RALY: variants seen among roughly 807,000 people sequenced by gnomAD.
RALY encodes RALY heterogeneous nuclear ribonucleoprotein, also known as RNA-binding protein Raly.
A neutral mutation model predicts 30.7 loss-of-function variants in RALY; 15 were observed. That is an observed-to-expected ratio of 0.49 (90% CI 0.33 to 0.75). The LOEUF (loss-of-function observed/expected upper bound fraction) is 0.75, where lower values mean the gene tolerates loss of function less well. Among genes scored for constraint, RALY ranks in the 30% least tolerant of loss-of-function variants. RALY has a pLI of 0.02. For missense variants in RALY, 339 were observed against 414.3 expected (o/e 0.82, Z 1.58); for synonymous variants, 177 against 170.8 (o/e 1.04, Z -0.28).
chr20:34,046,853 C>G (rs1006237999), intron 2 of RALY, among the ~76,000 whole-genome samples: 1 of 118,120 alleles, frequency 8.5e-6, no homozygotes, highest in Non-Finnish European at 1.6e-5. Context: ...GAGTTTCGCT[C>G]TTGTTGCCCA....
intron 2 of RALY, among the ~76,000 whole-genome samples, chr20:34,064,843 A>G (rs17091496): frequency 0.098 from 14,915 of 152,102 alleles, 2,438 homozygotes; most frequent in African/African-American, 0.34. Flanking sequence ...TCTTATCCTA[A>G]TTCTGGGAGG....
chr20:34,067,820 T>TC (rs947259142), intron 2 of RALY, among the ~76,000 whole-genome samples: 5 of 148,518 alleles, frequency 3.4e-5, no homozygotes, highest in African/African-American at 7.5e-5. Flanking sequence ...TTTTTTCTTT[T>TC]TTTTTTTTTT....
intron 1 of RALY, among the ~76,000 whole-genome samples, chr20:33,996,044 A>G (rs947677934): frequency 1.3e-5 from 2 of 152,236 alleles, no homozygotes; most frequent in African/African-American, 4.8e-5. Context: ...GTAAGTCACC[A>G]CTTCGGTTTT....
intron 2 of RALY, among the ~76,000 whole-genome samples, chr20:34,036,783 T>G (rs1340587673): frequency 6.6e-6 from 1 of 152,198 alleles, no homozygotes; most frequent in Non-Finnish European, 1.5e-5. Context: ...TAGGAATGTT[T>G]CCATTTCACC....
chr20:34,020,533 G>C (rs1343666660), intron 1 of RALY, among the ~76,000 whole-genome samples: 3 of 152,248 alleles, frequency 2.0e-5, no homozygotes, highest in East Asian at 3.8e-4. Flanking sequence ...TTACAGGACT[G>C]TGGTAGGAAT....
intron 1 of RALY, among the ~76,000 whole-genome samples, chr20:34,000,689 G>A (rs1417061016): frequency 6.6e-6 from 1 of 152,138 alleles, no homozygotes; most frequent in Non-Finnish European, 1.5e-5. Flanking sequence ...TTGGGGTAGG[G>A]GGTTGTGGCT....
At chr20:34,002,812 A>G (rs1241819113) in intron 1 of RALY, among the ~76,000 whole-genome samples, 1 of 152,122 alleles carries the variant, frequency 6.6e-6, no homozygotes, top group Non-Finnish European at 1.5e-5. Context: ...AAGATTTGGT[A>G]TTGTCTCGCT....
At chr20:34,074,764 T>A (rs2033827377) in intron 5 of RALY, among the ~76,000 whole-genome samples, 1 of 152,220 alleles carries the variant, frequency 6.6e-6, no homozygotes, top group Non-Finnish European at 1.5e-5. Flanking sequence ...GGTTCAGTGA[T>A]TCTGACCAAG....
At chr20:33,997,784 T>C (rs1448060284) in intron 1 of RALY, among the ~76,000 whole-genome samples, 2 of 152,196 alleles carry the variant, frequency 1.3e-5, no homozygotes, top group East Asian at 3.9e-4. Context: ...TCTTCATGTT[T>C]ATGAAGATGG....
intron 7 of RALY, 31 bp from the exon 8 acceptor site, chr20:34,076,997 A>T (rs1467454320): frequency 1.5e-5 from 24 of 1,610,104 alleles, no homozygotes; most frequent in East Asian, 6.7e-5. Context: ...GCTGAGTTTT[A>T]TTCTCCCCTC....
At chr20:34,040,755 C>A (rs2032669281) in intron 2 of RALY, among the ~76,000 whole-genome samples, 1 of 152,198 alleles carries the variant, frequency 6.6e-6, no homozygotes, top group Non-Finnish European at 1.5e-5. Flanking sequence ...AAGGGGAAAG[C>A]TGAGGCTCAG....
intron 1 of RALY, among the ~76,000 whole-genome samples, chr20:34,019,730 A>G (rs939876645): frequency 5.3e-5 from 8 of 152,284 alleles, no homozygotes; most frequent in Admixed American, 5.2e-4. Flanking sequence ...AACCATACAC[A>G]TACAAATTAT....
intron 2 of RALY, among the ~76,000 whole-genome samples, chr20:34,033,653 T>C (rs2123106775): frequency 6.6e-6 from 1 of 152,204 alleles, no homozygotes; most frequent in South Asian, 2.1e-4. Flanking sequence ...AATCTATTCA[T>C]GAGGGATCTG....
intron 2 of RALY, among the ~76,000 whole-genome samples, chr20:34,065,520 C>T (rs2033544825): frequency 6.6e-6 from 1 of 152,158 alleles, no homozygotes; most frequent in Admixed American, 6.5e-5. Context: ...AAGAGCATTC[C>T]TTGGGAAATT....
chr20:34,032,107 C>T (rs2032304480), intron 2 of RALY, among the ~76,000 whole-genome samples: 1 of 152,080 alleles, frequency 6.6e-6, no homozygotes, highest in Admixed American at 6.5e-5. Context: ...GGATTACAGG[C>T]ATGCACCGCC....
At chr20:33,996,873 G>A (rs1213501476) in intron 1 of RALY, among the ~76,000 whole-genome samples, 1 of 152,086 alleles carries the variant, frequency 6.6e-6, no homozygotes, top group Non-Finnish European at 1.5e-5. Flanking sequence ...GTGGAATCAT[G>A]CAATATTTGT....
intron 2 of RALY, among the ~76,000 whole-genome samples, chr20:34,066,779 C>G (rs2033585791): frequency 6.6e-6 from 1 of 152,042 alleles, no homozygotes; most frequent in African/African-American, 2.4e-5. Context: ...GCCCCACTTC[C>G]TAATACCATC....
chr20:34,082,412 G>C lies in RALY; in HGVS notation c.*2507G>C, dbSNP rs1349868207. 1 of 152,210 alleles carries C rather than the reference G, an allele frequency of 6.6e-6. No individual in the cohort carries two copies. The highest frequency in any genetic ancestry group is 1.5e-5 in the Non-Finnish European group (1 of 68,052). The allele number at this position is 152,210 out of a possible 1,614,324, so 9.4% of individuals were successfully genotyped here. On this transcript the variant is annotated 3_prime_UTR_variant, in exon 10 of 10. Coordinates refer to ENST00000246194, the MANE Select transcript of RALY (RefSeq NM_016732.3). Reference sequence around the variant, plus strand: ...CAGAGCCTAGTGCTATATGCCTGCTGCAGGTCCTACCCAAGCATGCTTTAC... The same window carrying C: ...CAGAGCCTAGTGCTATATGCCTGCTCCAGGTCCTACCCAAGCATGCTTTAC...
At chr20:34,046,111 C>T (rs768388642) in intron 2 of RALY, among the ~76,000 whole-genome samples, 62 of 152,294 alleles carry the variant, frequency 4.1e-4, no homozygotes, top group Admixed American at 6.5e-4. Flanking sequence ...CTTTGAACTA[C>T]TACCCTCTGC....
Sources: allele counts gnomAD v4.1 joint callset (sites outside exome capture counted in the v4.1 genomes callset), GRCh38; gene constraint gnomAD v4.1.1; transcripts MANE v1.5; gene names NCBI Gene and HGNC (gene_info 2026-07-23, HGNC 2026-07-21).